The following NTRK3 variants were observed in gnomAD, a reference collection of about 807,000 sequenced individuals.
The protein encoded by NTRK3 is neurotrophic receptor tyrosine kinase 3, also known as NT-3 growth factor receptor.
Under a neutral mutation model 91.7 loss-of-function variants are expected in NTRK3, and 24 were observed. That is an observed-to-expected ratio of 0.26 (90% CI 0.19 to 0.37). NTRK3 has a LOEUF of 0.37. NTRK3 is among the 10% of genes least tolerant of loss of function. The pLI is 1.00. For synonymous variants in NTRK3, 483 were observed against 404.0 expected, an observed-to-expected ratio of 1.20 and a Z score of -2.34; for missense variants, 880 against 1,068.9, an observed-to-expected ratio of 0.82 and a Z score of 2.46.
chr15:88,089,215 C>G (rs918222401), intron 13 of NTRK3, among the ~76,000 whole-genome samples: 17 of 152,326 alleles, frequency 1.1e-4, no homozygotes, highest in African/African-American at 4.1e-4. Flanking sequence ...TGCCCTACCA[C>G]TTCCTGGCTT....
At position 87,951,433 on chromosome 15, in the gene NTRK3, A is replaced by G. The variant is rs557586115; in HGVS notation, c.1586-10680T>C. ...ATTCAATTTTTATGTGATAGGATTT[A>G]GTTATACTAAGGCATAAAATTCCAG... On this transcript the variant is annotated intron_variant, in intron 14 of 18. Transcript: ENST00000394480. 3.9e-5 allele frequency among the ~76,000 whole-genome samples: 6 copies of G among 152,356 alleles called. No individual in the cohort carries two copies. In the South Asian group the frequency reaches 1.2e-3, roughly 32 times the overall value.
chr15:88,184,269 C>T (rs758172793), exon 4 of NTRK3: 16 of 1,607,266 alleles, frequency 1.0e-5, no homozygotes, highest in Admixed American at 8.4e-5. Flanking sequence ...CGGCGTTGAG[C>T]GTGTGAAGAC....
Position 88,095,122 on chromosome 15 carries a change from T to C in NTRK3, c.1396+31149A>G, listed in dbSNP as rs189429598. ...CTTGGCAGCAATGACATTCAATCACTGCAAGAAGGAAGAGTGAGAACAGCT... is the reference window on the plus strand; with the variant it reads ...CTTGGCAGCAATGACATTCAATCACCGCAAGAAGGAAGAGTGAGAACAGCT... On this transcript the variant is annotated intron_variant, in intron 13 of 18. Coordinates refer to ENST00000394480, the Ensembl canonical transcript of NTRK3. Among the ~76,000 whole-genome samples, 3 of 152,334 alleles carry C rather than the reference T, an allele frequency of 2.0e-5. No homozygotes were observed. In the East Asian group the frequency reaches 5.8e-4, roughly 29 times the overall value.
rs994698341 is a variant in NTRK3, at chr15:88,191,603, C to T, written c.249-7304G>A. ...ACAAGTCAGCATTGGAGCACACACA[C>T]GCATGAATGCACGTGTGCACACACA... On this transcript the variant is annotated intron_variant, in intron 3 of 18. Transcript: ENST00000394480. 6.6e-5 allele frequency among the ~76,000 whole-genome samples: 10 copies of T among 152,232 alleles called. 1 individual carries two copies. The highest frequency in any genetic ancestry group is 2.0e-4 in the Admixed American group (3 of 15,284).
chr15:87,896,138 T>C (rs984604592), intron 17 of NTRK3, among the ~76,000 whole-genome samples: 1 of 152,200 alleles, frequency 6.6e-6, no homozygotes, highest in Non-Finnish European at 1.5e-5. Context: ...TGTCTGGCCA[T>C]GGCCATGGTC....
chr15:88,128,738 C>CA lies in NTRK3; in HGVS notation c.1205-5dup, dbSNP rs760103660. 2.5e-5 allele frequency: 41 copies of CA among 1,613,142 alleles called. No individual in the cohort carries two copies. The highest frequency in any genetic ancestry group is 3.3e-5 in the Admixed American group (2 of 59,978). ...AAGATAAAGTTATCCGTGCTCTCTG[C>CA]AAAAAAAGGACAAAGAGATAATTAA... On this transcript the variant is annotated splice_region_variant and splice_polypyrimidine_tract_variant and intron_variant, in intron 10 of 18. Coordinates refer to ENST00000394480, the Ensembl canonical transcript of NTRK3.
At chr15:87,872,232 G>T (rs779359361) in exon 19 of NTRK3, 24 of 219,624 alleles carry the variant, frequency 1.1e-4, no homozygotes, top group Non-Finnish European at 1.7e-4. Flanking sequence ...TCCAGATTCC[G>T]AGCAAAGCAC....
intron 6 of NTRK3, among the ~76,000 whole-genome samples, chr15:88,140,517 A>G (rs1278399882): frequency 6.6e-6 from 1 of 152,174 alleles, no homozygotes; most frequent in Non-Finnish European, 1.5e-5. Flanking sequence ...TTCACTCTCA[A>G]ACAAAACTAC....
At position 88,102,184 on chromosome 15, in the gene NTRK3, GGAA is replaced by G. The variant is rs920409041; in HGVS notation, c.1396+24084_1396+24086del. ...ATGCAACAGCATTATAGATGGTACA[GGAA>G]GAAGATGCTGACAGAAGAAGCAAGA... On this transcript the variant is annotated intron_variant, in intron 13 of 18. Coordinates refer to ENST00000394480, the Ensembl canonical transcript of NTRK3. Among the ~76,000 whole-genome samples the G allele has an allele frequency of 2.4e-3, 371 of 152,260 alleles. 2 individuals are homozygous for G. The highest frequency in any genetic ancestry group is 4.3e-3 in the Non-Finnish European group (291 of 68,026).
intron 13 of NTRK3, among the ~76,000 whole-genome samples, chr15:88,116,884 T>C (rs4887364): frequency 0.23 from 35,279 of 152,126 alleles, 4,297 homozygotes; most frequent in Non-Finnish European, 0.25. Flanking sequence ...CACCCCAAGT[T>C]TGATTCAGTG....
rs371581722 is a variant in NTRK3 at position 88,184,235 on chromosome 15, G to C, written c.313C>G (p.Leu105Val). ...GCCGGGTGTACTCACAGCTTTTGAA[G>C]TCCGGTGTAGAGCTCCATGTCCACG... Residue 105 changes from leucine (L) to valine (V), a missense_variant, in exon 4 of 19, where the codon CTT becomes GTT. This residue lies in a region of NTRK3 where 743 missense variants were observed against 868.6 expected (regional missense o/e 0.86). Transcript: ENST00000394480. The C allele has an allele frequency of 6.2e-6, 10 of 1,614,002 alleles. No homozygotes were observed. In the African/African-American group the frequency reaches 1.3e-4, roughly 22 times the overall value.
chr15:88,049,422 A>G (rs978708097), intron 13 of NTRK3, among the ~76,000 whole-genome samples: 1 of 152,196 alleles, frequency 6.6e-6, no homozygotes, highest in Non-Finnish European at 1.5e-5. Flanking sequence ...AGTGTTTTAT[A>G]ATGGAATTTA....
chr15:87,878,923 G>A (rs1431520612), intron 18 of NTRK3, among the ~76,000 whole-genome samples: 2 of 149,394 alleles, frequency 1.3e-5, no homozygotes, highest in Non-Finnish European at 3.0e-5. Context: ...GTGTGTGTGT[G>A]TGTGTGTGTG....
At chr15:88,201,196 T>C (rs1466876034) in intron 3 of NTRK3, among the ~76,000 whole-genome samples, 2 of 152,236 alleles carry the variant, frequency 1.3e-5, no homozygotes, top group Non-Finnish European at 2.9e-5. Context: ...TATGTTGGAA[T>C]GGGAGTGCTG....
At chr15:87,990,577 C>T (rs1013034811) in intron 14 of NTRK3, among the ~76,000 whole-genome samples, 2 of 152,146 alleles carry the variant, frequency 1.3e-5, no homozygotes, top group Admixed American at 1.3e-4. Flanking sequence ...ATGGTACCAT[C>T]CTGACCAGAG....
chr15:88,083,009 C>T (rs908318859), intron 13 of NTRK3, among the ~76,000 whole-genome samples: 11 of 152,212 alleles, frequency 7.2e-5, no homozygotes, highest in African/African-American at 2.7e-4. Context: ...TCAAGGCCAA[C>T]ATACTTTGGA....
chr15:88,129,718 A>C (rs1175031423), intron 10 of NTRK3, among the ~76,000 whole-genome samples: 2 of 152,224 alleles, frequency 1.3e-5, no homozygotes, highest in Non-Finnish European at 2.9e-5. Flanking sequence ...GAGACAGGGC[A>C]CAGGAGCCAA....
rs554761522 is a variant in NTRK3 at position 87,995,895 on chromosome 15, A to G, written c.1585+36962T>C. Among the ~76,000 whole-genome samples, 10 of 152,364 alleles carry G rather than the reference A, an allele frequency of 6.6e-5. No individual in the cohort carries two copies. The East Asian group carries it at 1.9e-3, about 29-fold the overall frequency. On this transcript the variant is annotated intron_variant, in intron 14 of 18. Transcript: ENST00000394480. ...AGACATTGAAATTTGAATTTCATAT[A>G]ATTTTCACGTGTTACAAAAGATGAT...
chr15:87,958,290 G>GT (rs2071884154), intron 14 of NTRK3, among the ~76,000 whole-genome samples: 3 of 152,102 alleles, frequency 2.0e-5, no homozygotes, highest in Admixed American at 2.0e-4. Context: ...CAGGAGAAGA[G>GT]TAAGATAACT....
Sources: allele counts gnomAD v4.1 joint callset (sites outside exome capture counted in the v4.1 genomes callset), GRCh38; gene constraint gnomAD v4.1.1; regional missense constraint gnomAD v4.1.1; transcripts MANE v1.5; gene names NCBI Gene and HGNC (gene_info 2026-07-23, HGNC 2026-07-21).